The following MLPH variants were observed in gnomAD, a reference collection of about 807,000 sequenced individuals.
MLPH encodes the protein melanophilin, also known as exophilin-3.
Under a neutral mutation model 72.1 loss-of-function variants are expected in MLPH, and 51 were observed. The ratio of observed to expected loss-of-function variants is 0.71; its 90% CI spans 0.56 to 0.89. The LOEUF (loss-of-function observed/expected upper bound fraction) is 0.89. Ranked by LOEUF, MLPH falls within the 40% of genes least tolerant of loss-of-function variation. MLPH has a pLI of 0.00. For missense variants in MLPH, 743 were observed against 759.9 expected, an observed-to-expected ratio of 0.98 and a Z score of 0.26; for synonymous variants, 301 against 310.1, an observed-to-expected ratio of 0.97 and a Z score of 0.31.
At chr2:237,542,108 TG>T (rs1008178014) in intron 11 of MLPH, among the ~76,000 whole-genome samples, 4 of 151,478 alleles carry the variant, frequency 2.6e-5, no homozygotes, top group Admixed American at 2.6e-4. Flanking sequence ...TAGGGGGTGA[TG>T]GGGCCTGCTT....
chr2:237,525,554 C>T, intron 6 of MLPH, 47 bp from the exon 7 acceptor site: 3 of 1,599,392 alleles, frequency 1.9e-6, no homozygotes, highest in Non-Finnish European at 2.6e-6. Flanking sequence ...GGCAGCGGCC[C>T]CTCCTAGTAA....
At chr2:237,513,425 A>G (rs1417948817) in intron 4 of MLPH, among the ~76,000 whole-genome samples, 1 of 152,150 alleles carries the variant, frequency 6.6e-6, no homozygotes, top group Non-Finnish European at 1.5e-5. Context: ...TTTGCCTGAC[A>G]GTGCAGACCT....
intron 4 of MLPH, among the ~76,000 whole-genome samples, chr2:237,514,800 G>A (rs1240723123): frequency 6.6e-6 from 1 of 152,158 alleles, no homozygotes; most frequent in Non-Finnish European, 1.5e-5. Context: ...AATGTACCAT[G>A]CTGCCTCCCC....
chr2:237,540,651 G>A, intron 10 of MLPH, 118 bp downstream of exon 10: 1 of 1,492,846 alleles, frequency 6.7e-7, no homozygotes, highest in Non-Finnish European at 9.1e-7. Flanking sequence ...CACACCAAGG[G>A]CCCTTGATGG....
intron 6 of MLPH, among the ~76,000 whole-genome samples, chr2:237,523,592 A>G (rs1012618148): frequency 5.9e-5 from 9 of 152,210 alleles, no homozygotes; most frequent in Non-Finnish European, 1.3e-4. Flanking sequence ...TGCAAACCCC[A>G]TAATTTAGGG....
intron 1 of MLPH, among the ~76,000 whole-genome samples, chr2:237,489,973 C>T (rs545087149): frequency 3.3e-5 from 5 of 152,334 alleles, no homozygotes; most frequent in Non-Finnish European, 1.5e-5. Context: ...CCCACTATGG[C>T]TATTCAACTG....
At chr2:237,530,679 C>T (rs896602846) in intron 8 of MLPH, among the ~76,000 whole-genome samples, 3 of 152,304 alleles carry the variant, frequency 2.0e-5, no homozygotes, top group East Asian at 1.9e-4. Context: ...ACAAGGCCTG[C>T]GTGAAGACTG....
At chr2:237,501,012 AC>A (rs34618364) in intron 2 of MLPH, among the ~76,000 whole-genome samples, 4,690 of 151,414 alleles carry the variant, frequency 0.031, 224 homozygotes, top group African/African-American at 0.1. Flanking sequence ...CCGGCTCATA[AC>A]CCCCACAGAG....
At chr2:237,492,312 T>C (rs2079443479) in intron 1 of MLPH, among the ~76,000 whole-genome samples, 1 of 152,030 alleles carries the variant, frequency 6.6e-6, no homozygotes, top group African/African-American at 2.4e-5. Context: ...CATCACATAG[T>C]GCATTGGGTG....
intron 11 of MLPH, 98 bp from the exon 12 acceptor site, chr2:237,542,469 A>G: frequency 1.0e-6 from 1 of 967,182 alleles, no homozygotes; most frequent in Non-Finnish European, 1.6e-6. Context: ...AATTGGCTCC[A>G]GGACTGAGCT....
rs756898477 is a variant in MLPH at position 237,546,638 on chromosome 2, C to A, written c.1572C>A (p.Gly524=). ...IFLPRVAGKL[G]KRPEDPNADP... is the part of the protein sequence containing the mutation. Reference sequence around the variant, plus strand: ...TCCCTCGAGTGGCTGGGAAACTTGGCAAGAGACCAGAGGACCCAAATGCAG... The same window carrying A: ...TCCCTCGAGTGGCTGGGAAACTTGGAAAGAGACCAGAGGACCCAAATGCAG... The change falls in exon 13 of 16, where the codon GGC becomes GGA. Residue 524 remains glycine (G), a synonymous_variant. Coordinates refer to ENST00000264605, the MANE Select transcript of MLPH (RefSeq NM_024101.7). 2.5e-6 allele frequency: 4 copies of A among 1,614,182 alleles called. No homozygotes were observed. The Admixed American group carries it at 6.7e-5, about 27-fold the overall frequency.
At chr2:237,524,475 T>C (rs962248013) in intron 6 of MLPH, among the ~76,000 whole-genome samples, 1 of 151,884 alleles carries the variant, frequency 6.6e-6, no homozygotes, top group African/African-American at 2.4e-5. Flanking sequence ...AGAAGAAAGA[T>C]GTAGGCTGGG....
intron 2 of MLPH, among the ~76,000 whole-genome samples, chr2:237,494,908 T>G (rs1448493928): frequency 6.6e-6 from 1 of 152,204 alleles, no homozygotes; most frequent in Non-Finnish European, 1.5e-5. Context: ...CAGTACAGAT[T>G]TAGTGGTTTA....
chr2:237,538,220 C>T (rs901107597), intron 9 of MLPH, among the ~76,000 whole-genome samples: 1 of 152,342 alleles, frequency 6.6e-6, no homozygotes, highest in Middle Eastern at 3.4e-3. Flanking sequence ...GAACACCAAG[C>T]TTTCCCCCAG....
chr2:237,523,954 T>C (rs1358392806), intron 6 of MLPH, among the ~76,000 whole-genome samples: 1 of 152,102 alleles, frequency 6.6e-6, no homozygotes, highest in Non-Finnish European at 1.5e-5. Context: ...TAGTTACTAA[T>C]ACAAGGCCTG....
At chr2:237,521,789 A>G (rs145678789) in intron 6 of MLPH, among the ~76,000 whole-genome samples, 64 of 127,072 alleles carry the variant, frequency 5.0e-4, no homozygotes, top group African/African-American at 2.6e-3. Flanking sequence ...AACACCTGCT[A>G]TGACTATAGT....
chr2:237,488,145 C>T (rs142187143), intron 1 of MLPH, among the ~76,000 whole-genome samples: 1 of 152,196 alleles, frequency 6.6e-6, no homozygotes, highest in Non-Finnish European at 1.5e-5. Context: ...CACTTCCACA[C>T]GGAACTTGGG....
Position 237,510,424 on chromosome 2 carries a change from C to A in MLPH, c.111-150C>A. 1.2e-6 allele frequency: 1 copy of A among 847,372 alleles called. No homozygotes were observed. The highest frequency in any genetic ancestry group is 2.0e-6 in the Non-Finnish European group (1 of 510,870). 52.5% of individuals were successfully genotyped at this position (847,372 alleles called of 1,614,324 possible). A position where few individuals can be genotyped will look rare whatever the true frequency, so the allele number is the denominator to read the frequency against. On this transcript the variant is annotated intron_variant, in intron 2 of 15. Coordinates refer to ENST00000264605, the MANE Select transcript of MLPH (RefSeq NM_024101.7). The surrounding 1 kb of genome is among the most constrained non-coding windows in gnomAD (Gnocchi z 4.4). ...AAGATGCCTGTGTGGCTTTGCCCAA[C>A]GTTGGGTCACTGTTTTCTGCATAGG...
At chr2:237,494,894 T>G (rs540334551) in intron 2 of MLPH, among the ~76,000 whole-genome samples, 1 of 152,322 alleles carries the variant, frequency 6.6e-6, no homozygotes, top group East Asian at 1.9e-4. Flanking sequence ...ATATGTGACT[T>G]GTACAGTACA....
Sources: allele counts gnomAD v4.1 joint callset (sites outside exome capture counted in the v4.1 genomes callset), GRCh38; gene constraint gnomAD v4.1.1; non-coding constraint Gnocchi (gnomAD v3.1); transcripts MANE v1.5; gene names NCBI Gene and HGNC (gene_info 2026-07-23, HGNC 2026-07-21).